VPS37A: variants seen among roughly 807,000 people sequenced by gnomAD.
VPS37A encodes VPS37A subunit of ESCRT-I, also known as vacuolar protein sorting-associated protein 37A.
In VPS37A, 30 loss-of-function variants were observed where a neutral mutation model predicts 49.8. The observed-to-expected ratio is 0.60, with a 90% CI of 0.45 to 0.82. The LOEUF is 0.82. Ranked by LOEUF, VPS37A falls within the 40% of genes least tolerant of loss-of-function variation. The probability of loss-of-function intolerance (pLI) is 0.00; values close to 1 mark genes in which losing one functional copy is unlikely to be tolerated. For synonymous variants in VPS37A, 195 were observed against 160.6 expected (o/e 1.21, Z -1.62); for missense variants, 593 against 464.4 (o/e 1.28, Z -2.55).
chr8:17,313,515 G>A, the VPS37A span: 1 of 625,430 alleles, frequency 1.6e-6, no homozygotes, highest in Non-Finnish European at 2.7e-6. Context: ...GGTATTTTCT[G>A]GAAGCAAGCC....
chr8:17,311,112 T>C, the VPS37A span, among the ~76,000 whole-genome samples: 2 of 152,232 alleles, frequency 1.3e-5, no homozygotes, highest in African/African-American at 2.4e-5. Flanking sequence ...CCAAGGACTT[T>C]TGGCATACAC....
intron 11 of VPS37A, among the ~76,000 whole-genome samples, chr8:17,292,319 G>A (rs1052235859): frequency 1.3e-5 from 2 of 152,012 alleles, no homozygotes; most frequent in Non-Finnish European, 2.9e-5. Context: ...CCATTGGCTT[G>A]GTAAATCTTC....
intron 6 of VPS37A, 45 bp from the exon 7 acceptor site, chr8:17,279,983 C>G (rs188636739): frequency 1.2e-6 from 2 of 1,606,534 alleles, no homozygotes; most frequent in East Asian, 4.5e-5. Context: ...TGGAGAAAAA[C>G]TCGATGTCTG....
downstream of VPS37A, chr8:17,305,610 C>T (rs938449861): frequency 2.8e-5 from 18 of 639,716 alleles, no homozygotes; most frequent in Non-Finnish European, 4.4e-5. Flanking sequence ...TGAAATGACA[C>T]CAGGAAAAAG....
At chr8:17,291,912 T>C (rs1270647242) in intron 11 of VPS37A, among the ~76,000 whole-genome samples, 1 of 152,198 alleles carries the variant, frequency 6.6e-6, no homozygotes. Flanking sequence ...AATTTTAGAA[T>C]AATTGCTATG....
chr8:17,270,370 C>G (rs1167204581), intron 4 of VPS37A, among the ~76,000 whole-genome samples: 2 of 152,050 alleles, frequency 1.3e-5, no homozygotes, highest in Non-Finnish European at 2.9e-5. Flanking sequence ...TTTGCATTAC[C>G]TGGTGTCGTC....
chr8:17,299,735 C>A (rs76579960), downstream of VPS37A: 5 of 1,359,582 alleles, frequency 3.7e-6, no homozygotes, highest in East Asian at 9.3e-5. Flanking sequence ...TTTCCCTTTT[C>A]ATAGCTGCAT....
At chr8:17,317,474 T>C in the VPS37A span, among the ~76,000 whole-genome samples, 35 of 152,278 alleles carry the variant, frequency 2.3e-4, no homozygotes, top group African/African-American at 8.2e-4. Flanking sequence ...ACTTAACCCC[T>C]GTTTTTGGCC....
At chr8:17,315,908 G>A in the VPS37A span, among the ~76,000 whole-genome samples, 2 of 152,170 alleles carry the variant, frequency 1.3e-5, no homozygotes, top group African/African-American at 2.4e-5. Flanking sequence ...AGCTACTTGG[G>A]AGGCTGAGTT....
the VPS37A span, chr8:17,331,303 G>T: frequency 6.4e-7 from 1 of 1,564,746 alleles, no homozygotes; most frequent in South Asian, 1.2e-5. Flanking sequence ...CAGCAAAACA[G>T]AACAGTCATC....
intron 4 of VPS37A, among the ~76,000 whole-genome samples, chr8:17,271,254 T>C (rs748323363): frequency 6.6e-6 from 1 of 152,232 alleles, no homozygotes; most frequent in Non-Finnish European, 1.5e-5. Flanking sequence ...GTTAGCCTCT[T>C]TTTCATTTGG....
the VPS37A span, among the ~76,000 whole-genome samples, chr8:17,325,281 C>T: frequency 6.6e-6 from 1 of 152,144 alleles, no homozygotes; most frequent in Non-Finnish European, 1.5e-5. Flanking sequence ...ATACCCACCA[C>T]GATGGTGCCT....
At chr8:17,329,440 G>T in the VPS37A span, among the ~76,000 whole-genome samples, 2 of 152,166 alleles carry the variant, frequency 1.3e-5, no homozygotes, top group South Asian at 4.1e-4. Context: ...TCCAGAACTT[G>T]GTCAGTTTGC....
the VPS37A span, chr8:17,313,235 T>G: frequency 7.6e-7 from 1 of 1,322,430 alleles, no homozygotes; most frequent in Non-Finnish European, 1.1e-6. Context: ...GATACCCATT[T>G]TGAAGTCAGT....
At chr8:17,331,373 G>A in the VPS37A span, 1 of 1,337,096 alleles carries the variant, frequency 7.5e-7, no homozygotes, top group Non-Finnish European at 1.0e-6. Context: ...CCCAATCAAA[G>A]CATTCAGAAT....
intron 2 of VPS37A, 149 bp from the exon 3 acceptor site, chr8:17,268,109 A>G: frequency 5.8e-6 from 3 of 514,650 alleles, no homozygotes; most frequent in South Asian, 3.6e-5. Flanking sequence ...TTTTCAGACA[A>G]CACCATAATA....
At chr8:17,318,548 A>T in the VPS37A span, among the ~76,000 whole-genome samples, 1 of 151,922 alleles carries the variant, frequency 6.6e-6, no homozygotes, top group East Asian at 1.9e-4. Flanking sequence ...ATGGGTCTGG[A>T]CTCGCTCTTC....
chr8:17,323,848 A>G, the VPS37A span, among the ~76,000 whole-genome samples: 1 of 152,200 alleles, frequency 6.6e-6, no homozygotes, highest in Non-Finnish European at 1.5e-5. Flanking sequence ...ACTTTCTTCT[A>G]CAAGCACTCA....
At chr8:17,276,164 A>C (rs1814491122) in intron 5 of VPS37A, among the ~76,000 whole-genome samples, 1 of 151,970 alleles carries the variant, frequency 6.6e-6, no homozygotes, top group African/African-American at 2.4e-5. Flanking sequence ...TCTACCTAAC[A>C]CAGGTCCTCA....
Sources: allele counts gnomAD v4.1 joint callset (sites outside exome capture counted in the v4.1 genomes callset), GRCh38; gene constraint gnomAD v4.1.1; transcripts MANE v1.5; gene names NCBI Gene and HGNC (gene_info 2026-07-23, HGNC 2026-07-21).